ARHGAP15: variants seen among roughly 807,000 people sequenced by gnomAD.
ARHGAP15 encodes the protein Rho GTPase activating protein 15, also known as rho GTPase-activating protein 15.
ARHGAP15 carries 51 observed loss-of-function variants against 63.7 expected under a neutral mutation model. The ratio of observed to expected loss-of-function variants is 0.80; its 90% CI spans 0.64 to 1.01. The LOEUF is 1.01. Among genes scored for constraint, ARHGAP15 ranks in the 50% least tolerant of loss-of-function variants. The probability of loss-of-function intolerance (pLI) is 0.00; values close to 1 mark genes in which losing one functional copy is unlikely to be tolerated. For missense variants in ARHGAP15, 560 were observed against 564.6 expected (o/e 0.99, Z 0.08); for synonymous variants, 191 against 193.8 (o/e 0.99, Z 0.12).
chr2:143,630,369 T>G (rs1699013239), intron 12 of ARHGAP15, among the ~76,000 whole-genome samples: 1 of 152,128 alleles, frequency 6.6e-6, no homozygotes. Context: ...TGTATTAAGA[T>G]TCTTATTTAT....
At chr2:143,241,496 G>T (rs183414724) in intron 5 of ARHGAP15, among the ~76,000 whole-genome samples, 5 of 152,324 alleles carry the variant, frequency 3.3e-5, no homozygotes, top group Admixed American at 1.3e-4. Flanking sequence ...GTGGTTAGGA[G>T]TAGTGGCAGA....
chr2:143,428,939 G>A (rs1211117927), intron 6 of ARHGAP15, among the ~76,000 whole-genome samples: 1 of 152,020 alleles, frequency 6.6e-6, no homozygotes, highest in East Asian at 1.9e-4. Flanking sequence ...ATCCCAGGAT[G>A]ATTCATTTAT....
intron 6 of ARHGAP15, among the ~76,000 whole-genome samples, chr2:143,359,816 A>G (rs956935502): frequency 6.6e-6 from 1 of 152,210 alleles, no homozygotes; most frequent in African/African-American, 2.4e-5. Context: ...CTTGACTACA[A>G]TTATATTTAC....
At chr2:143,359,716 G>T (rs1685957958) in intron 6 of ARHGAP15, among the ~76,000 whole-genome samples, 1 of 152,104 alleles carries the variant, frequency 6.6e-6, no homozygotes, top group Admixed American at 6.6e-5. Context: ...ATACATTTGG[G>T]AAATATTATG....
chr2:143,339,355 G>T (rs1173016729), intron 6 of ARHGAP15, among the ~76,000 whole-genome samples: 1 of 152,116 alleles, frequency 6.6e-6, no homozygotes, highest in Non-Finnish European at 1.5e-5. Context: ...CACTGAGCCA[G>T]ATATTATTCA....
chr2:143,241,117 C>A (rs796298847), intron 5 of ARHGAP15, among the ~76,000 whole-genome samples: 1 of 151,952 alleles, frequency 6.6e-6, no homozygotes, highest in Non-Finnish European at 1.5e-5. Context: ...GAGCTTTTAC[C>A]CCACAGTGTA....
intron 6 of ARHGAP15, among the ~76,000 whole-genome samples, chr2:143,322,199 C>A (rs1159736113): frequency 6.6e-6 from 1 of 152,180 alleles, no homozygotes; most frequent in African/African-American, 2.4e-5. Context: ...GTTGAGCACT[C>A]TCAGTGGCTG....
At chr2:143,587,851 T>A (rs888983944) in intron 11 of ARHGAP15, 4 of 433,898 alleles carry the variant, frequency 9.2e-6, no homozygotes, top group African/African-American at 2.1e-5. Context: ...TGAGATACAA[T>A]CCCTAGTATT....
intron 13 of ARHGAP15, among the ~76,000 whole-genome samples, chr2:143,759,522 G>C (rs377387861): frequency 1.3e-5 from 2 of 152,046 alleles, no homozygotes; most frequent in African/African-American, 4.8e-5. Flanking sequence ...TCTCCTGCTC[G>C]AACCCAAAGA....
At chr2:143,659,745 G>T (rs1681652567) in intron 12 of ARHGAP15, among the ~76,000 whole-genome samples, 1 of 152,070 alleles carries the variant, frequency 6.6e-6, no homozygotes, top group African/African-American at 2.4e-5. Flanking sequence ...GAAGACTTCT[G>T]GTTTGTTTCT....
In ARHGAP15 at chr2:143,155,513, A is replaced by C. The variant is rs1320531825; in HGVS notation, c.23A>C (p.Asp8Ala). 5 of 1,607,574 alleles carry C rather than the reference A, an allele frequency of 3.1e-6. No homozygotes were observed. Among genetic ancestry groups the C allele is most frequent in the Non-Finnish European group, 4.2e-6 (5 of 1,177,486 alleles). ...AATATGCAGAAATCTACAAATTCTG[A>C]TACTTCCGTGGAAACACTGAATTCT... MQKSTNS[D>A]TSVETLNSTR... is the part of the protein sequence containing the mutation. The change falls in exon 2 of 14, where the codon GAT becomes GCT. Residue 8 changes from aspartate (D) to alanine (A), a missense_variant. Asp to Ala is a moderately radical substitution (Grantham distance 126). Transcript: ENST00000295095.
intron 9 of ARHGAP15, 77 bp from the exon 10 acceptor site, chr2:143,519,189 G>A: frequency 9.0e-7 from 1 of 1,116,504 alleles, no homozygotes; most frequent in Non-Finnish European, 1.3e-6. Flanking sequence ...AGCATGCAAT[G>A]GATATGGAAA....
At chr2:143,370,803 G>A (rs562060672) in intron 6 of ARHGAP15, among the ~76,000 whole-genome samples, 213 of 152,302 alleles carry the variant, frequency 1.4e-3, no homozygotes, top group Middle Eastern at 3.4e-3. Context: ...TTTGAGACAA[G>A]CACACTTCCT....
intron 10 of ARHGAP15, among the ~76,000 whole-genome samples, chr2:143,529,259 C>G (rs1305142303): frequency 1.3e-5 from 2 of 152,106 alleles, no homozygotes; most frequent in Non-Finnish European, 2.9e-5. Flanking sequence ...ATTCTTCTCT[C>G]TCATTACAGA....
chr2:143,643,036 G>A, intron 12 of ARHGAP15, among the ~76,000 whole-genome samples: 1 of 144,730 alleles, frequency 6.9e-6, no homozygotes, highest in Admixed American at 6.8e-5. Flanking sequence ...TAAATTCTTG[G>A]TCAATAAATT....
intron 12 of ARHGAP15, among the ~76,000 whole-genome samples, chr2:143,678,422 G>A (rs2105365252): frequency 6.6e-6 from 1 of 152,214 alleles, no homozygotes; most frequent in Admixed American, 6.5e-5. Flanking sequence ...TCCTTAGAGG[G>A]GAATATTCAG....
chr2:143,236,344 A>G (rs993267253), intron 5 of ARHGAP15: 1 of 164,340 alleles, frequency 6.1e-6, no homozygotes, highest in Non-Finnish European at 1.3e-5. Context: ...TTTTCCAGAG[A>G]AACTATTGTT....
intron 12 of ARHGAP15, among the ~76,000 whole-genome samples, chr2:143,635,890 T>G (rs1680287133): frequency 6.6e-6 from 1 of 152,102 alleles, no homozygotes; most frequent in Non-Finnish European, 1.5e-5. Context: ...TAATTATGAG[T>G]GTTTTCTTTT....
chr2:143,470,916 A>G (rs138976346), intron 8 of ARHGAP15, among the ~76,000 whole-genome samples: 88 of 148,590 alleles, frequency 5.9e-4, no homozygotes, highest in South Asian at 2.1e-3. Context: ...ATATACACGT[A>G]TGTGTATATG....
Sources: allele counts gnomAD v4.1 joint callset (sites outside exome capture counted in the v4.1 genomes callset), GRCh38; gene constraint gnomAD v4.1.1; transcripts MANE v1.5; gene names NCBI Gene and HGNC (gene_info 2026-07-23, HGNC 2026-07-21).